STRADA: variants seen among roughly 807,000 people sequenced by gnomAD.
STRADA encodes the protein STE20-related kinase adapter protein alpha.
Under a neutral mutation model 55.0 loss-of-function variants are expected in STRADA, and 26 were observed. The observed-to-expected ratio is 0.47, with a 90% confidence interval of 0.35 to 0.66. The LOEUF (loss-of-function observed/expected upper bound fraction) is 0.66. Ranked by LOEUF, STRADA falls within the 30% of genes least tolerant of loss-of-function variation. The pLI, the probability that STRADA is intolerant of heterozygous loss-of-function variation, is 0.01. For missense variants in STRADA, 443 were observed against 549.7 expected, an observed-to-expected ratio of 0.81 and a Z score of 1.94; for synonymous variants, 197 against 210.9, an observed-to-expected ratio of 0.93 and a Z score of 0.57.
chr17:63,714,012 C>A lies in STRADA; in HGVS notation c.220G>T (p.Val74Leu). Reference protein sequence around the residue: ...PEGGCYELLTVIGKGFEDLMT... With the variant: ...PEGGCYELLTLIGKGFEDLMT... ...GGACGGCCCCTGCACATACCTATCA[C>A]AGTGAGCAGCTCGTAACACCCTCCC... The change falls in exon 5 of 13, where the codon GTG (valine) becomes TTG (leucine). Residue 74 changes from valine (V) to leucine (L), a missense_variant. By Grantham distance (32) the Val-to-Leu change is conservative. Coordinates refer to ENST00000336174, the MANE Select transcript of STRADA (RefSeq NM_001003787.4). 1 of 1,613,502 alleles carries A rather than the reference C, an allele frequency of 6.2e-7. No homozygotes were observed. The highest frequency in any genetic ancestry group is 8.5e-7 in the Non-Finnish European group (1 of 1,179,496).
intron 5 of STRADA, among the ~76,000 whole-genome samples, 156 bp downstream of exon 5, chr17:63,713,850 T>G (rs1043127): frequency 0.7 from 106,313 of 151,982 alleles, 38,618 homozygotes; most frequent in African/African-American, 0.92. Context: ...ATACTTGGCA[T>G]AAAAAAACAG....
In STRADA at chr17:63,710,463, T is replaced by G. The variant is rs372446103; in HGVS notation, c.581+28A>C. ...TCAGGGGCATAGCTACCCACTGTAA[T>G]CATGGGAAAGGCCGCCTAAGAACGC... On this transcript the variant is annotated intron_variant, in intron 8 of 12. Transcript: ENST00000336174. 2.3e-5 allele frequency: 37 copies of G among 1,612,300 alleles called. No homozygotes were observed. The African/African-American group carries it at 3.7e-4, about 16-fold the overall frequency.
Position 63,711,542 on chromosome 17 carries a change from A to G in STRADA, c.349-706T>C, listed in dbSNP as rs370897319. On this transcript the variant is annotated intron_variant, in intron 6 of 12. Coordinates refer to ENST00000336174, the MANE Select transcript of STRADA (RefSeq NM_001003787.4). ...ATTTTTTATATTTTTTTGTAGAGAC[A>G]GGGTTTTGCCATGTTGCCTAGGCCT... 3.9e-5 allele frequency among the ~76,000 whole-genome samples: 6 copies of G among 152,188 alleles called. No individual in the cohort carries two copies. The East Asian group carries it at 7.8e-4, about 20-fold the overall frequency.
chr17:63,734,224 G>A lies in STRADA; in HGVS notation c.-44-5811C>T, dbSNP rs183007677. Among the ~76,000 whole-genome samples the A allele has an allele frequency of 2.0e-5, 3 of 152,268 alleles. No individual in the cohort carries two copies. In the East Asian group the frequency reaches 5.8e-4, roughly 29 times the overall value. ...ATTTTTACTGAACTGTACTTGAATA[G>A]CCTTTATTTTATATCAAAAGCTCTA... On this transcript the variant is annotated intron_variant, in intron 1 of 12. Coordinates refer to ENST00000336174, the MANE Select transcript of STRADA (RefSeq NM_001003787.4).
In STRADA at chr17:63,703,370, G is replaced by A; in HGVS notation, c.*229C>T. On this transcript the variant is annotated 3_prime_UTR_variant, in exon 13 of 13. Coordinates refer to ENST00000336174, the MANE Select transcript of STRADA (RefSeq NM_001003787.4). ...CACAGGACTGGGAATGTCGGCTTTGGACCCTCCTGATCCCTGGTTGTTGAG... is the reference window on the plus strand; with the variant it reads ...CACAGGACTGGGAATGTCGGCTTTGAACCCTCCTGATCCCTGGTTGTTGAG... The A allele has an allele frequency of 2.0e-6, 1 of 496,056 alleles. No individual in the cohort carries two copies. The highest frequency in any genetic ancestry group is 3.6e-6 in the Non-Finnish European group (1 of 279,640). 30.7% of individuals were successfully genotyped at this position (496,056 alleles called of 1,614,324 possible).
At chr17:63,713,677 G>A (rs2036660370) in intron 5 of STRADA, 150 bp from the exon 6 acceptor site, 1 of 1,015,890 alleles carries the variant, frequency 9.8e-7, no homozygotes, top group South Asian at 1.6e-5. Flanking sequence ...TTTCCCAGCA[G>A]AATTTAACTG....
At chr17:63,708,725 G>A (rs539800219) in intron 8 of STRADA, among the ~76,000 whole-genome samples, 1 of 152,150 alleles carries the variant, frequency 6.6e-6, no homozygotes, top group South Asian at 2.1e-4. Context: ...AGTAGAGACA[G>A]GGTTTTGCGA....
chr17:63,726,903 T>A (rs1007452054), intron 2 of STRADA: 2 of 585,722 alleles, frequency 3.4e-6, no homozygotes, highest in East Asian at 5.7e-5. Context: ...ATTTGATGAA[T>A]AATTCTTAAA....
chr17:63,740,155 C>CATAT (rs761800599), intron 1 of STRADA, among the ~76,000 whole-genome samples: 19 of 111,456 alleles, frequency 1.7e-4, no homozygotes, highest in Admixed American at 1.1e-3. Context: ...TATACACACA[C>CATAT]ACACACACAC....
chr17:63,703,860 C>G (rs2035878180), intron 12 of STRADA, 109 bp from the exon 13 acceptor site: 1 of 1,611,434 alleles, frequency 6.2e-7, no homozygotes. Context: ...GAGCCAACTC[C>G]ATGAGAGGAA....
chr17:63,717,541 T>C (rs535180405), intron 4 of STRADA, among the ~76,000 whole-genome samples: 2 of 151,682 alleles, frequency 1.3e-5, no homozygotes, highest in African/African-American at 4.8e-5. Context: ...AGTGCAGTAG[T>C]GCGATCTCAG....
upstream of STRADA, chr17:63,741,966 C>T (rs1169904527): frequency 1.3e-5 from 2 of 152,268 alleles, no homozygotes; most frequent in Non-Finnish European, 2.9e-5. Flanking sequence ...GCCGCCGCCG[C>T]GCCGAGAGCG....
intron 6 of STRADA, among the ~76,000 whole-genome samples, chr17:63,711,737 C>G (rs2036512869): frequency 1.3e-5 from 2 of 152,024 alleles, no homozygotes; most frequent in South Asian, 4.1e-4. Context: ...AGTTGGAGAC[C>G]AGCCTGGGCA....
At chr17:63,706,114 G>A (rs564332808) in intron 10 of STRADA, 5 of 152,374 alleles carry the variant, frequency 3.3e-5, no homozygotes, top group East Asian at 1.9e-4. Flanking sequence ...CCCTGGGTCT[G>A]TTTTCCCAAG....
intron 6 of STRADA, 66 bp downstream of exon 6, chr17:63,713,340 C>T: frequency 6.3e-7 from 1 of 1,576,302 alleles, no homozygotes. Flanking sequence ...CTTTGTAATT[C>T]CTTGTAATTC....
intron 1 of STRADA, 72 bp downstream of exon 1, chr17:63,741,669 G>C (rs139188744): frequency 0.014 from 2,099 of 152,502 alleles, 17 homozygotes; most frequent in Middle Eastern, 0.02. Flanking sequence ...CGGGCCTGGG[G>C]AGATGGAATC....
intron 1 of STRADA, among the ~76,000 whole-genome samples, chr17:63,739,010 G>A (rs372044359): frequency 1.8e-4 from 27 of 151,570 alleles, no homozygotes; most frequent in East Asian, 1.2e-3. Flanking sequence ...AAAATTAGCC[G>A]GGTATGGTGG....
At chr17:63,712,775 C>G (rs1450388562) in intron 6 of STRADA, among the ~76,000 whole-genome samples, 1 of 150,816 alleles carries the variant, frequency 6.6e-6, no homozygotes, top group South Asian at 2.1e-4. Context: ...CCAAGGCAGG[C>G]AGATCACCTG....
chr17:63,710,948 C>CA (rs2036459463), intron 6 of STRADA, 112 bp from the exon 7 acceptor site: 1 of 967,490 alleles, frequency 1.0e-6, no homozygotes, highest in Admixed American at 2.2e-5. Flanking sequence ...TGGGTGTTCT[C>CA]AGAGTCATGG....
Sources: gnomAD v4.1 joint callset for allele counts (sites outside exome capture counted in the v4.1 genomes callset) on GRCh38, gnomAD v4.1.1 for gene constraint, MANE v1.5 for transcripts, NCBI Gene and HGNC (gene_info 2026-07-23, HGNC 2026-07-21) for gene names.